The following ISM1 variants were observed in gnomAD, a reference collection of about 807,000 sequenced individuals.
ISM1 encodes the protein isthmin 1.
ISM1 carries 25 observed loss-of-function variants against 46.3 expected under a neutral mutation model. The observed-to-expected ratio is 0.54, with a 90% CI of 0.39 to 0.75. The LOEUF (loss-of-function observed/expected upper bound fraction) is 0.75. Among genes scored for constraint, ISM1 ranks in the 30% least tolerant of loss-of-function variants. The pLI is 0.00. For synonymous variants in ISM1, 255 were observed against 256.7 expected (o/e 0.99, Z 0.06); for missense variants, 536 against 625.4 (o/e 0.86, Z 1.52).
At chr20:13,288,443 G>T (rs768114351) in intron 3 of ISM1, 97 bp from the exon 4 acceptor site, 31 of 1,312,034 alleles carry the variant, frequency 2.4e-5, no homozygotes, top group Non-Finnish European at 3.1e-5. Flanking sequence ...CTCCCACAGC[G>T]AGAAGGATAG....
Position 13,299,399 on chromosome 20 carries a change from C to T in ISM1, c.1335C>T (p.Cys445=). The part of the protein sequence containing the change: ...EARPPNNGQK[C]TESPSDEDYI... ...GGCCTCCCAACAACGGACAGAAGTG[C>T]ACAGAGAGCCCCTCGGACGAGGACT... Residue 445 remains cysteine (C), a synonymous_variant, in exon 6 of 6, where the codon TGC becomes TGT. Coordinates refer to ENST00000262487, the MANE Select transcript of ISM1 (RefSeq NM_080826.2). The surrounding 1 kb of genome is among the most constrained non-coding windows in gnomAD (Gnocchi z 5.8). The T allele has an allele frequency of 6.2e-7, 1 of 1,612,862 alleles. No individual in the cohort carries two copies. Among genetic ancestry groups the T allele is most frequent in the Non-Finnish European group, 8.5e-7 (1 of 1,179,854 alleles).
At chr20:13,309,803 A>T in the ISM1 span, among the ~76,000 whole-genome samples, 4 of 152,132 alleles carry the variant, frequency 2.6e-5, no homozygotes, top group Non-Finnish European at 1.5e-5. Context: ...TAAGCAAAAA[A>T]ACTATCCAAA....
At chr20:13,322,320 C>T in the ISM1 span, among the ~76,000 whole-genome samples, 2 of 152,238 alleles carry the variant, frequency 1.3e-5, no homozygotes, top group South Asian at 4.1e-4. Context: ...TAAAGAGATA[C>T]GGGTTGTTCT....
chr20:13,231,706 C>T (rs114194400), intron 1 of ISM1, among the ~76,000 whole-genome samples: 2,160 of 152,286 alleles, frequency 0.014, 50 homozygotes, highest in African/African-American at 0.049. Context: ...CTATGGCTGA[C>T]ACACATCCAT....
the ISM1 span, among the ~76,000 whole-genome samples, chr20:13,324,117 G>A: frequency 6.6e-6 from 1 of 152,148 alleles, no homozygotes; most frequent in African/African-American, 2.4e-5. Flanking sequence ...TAACTTTCAG[G>A]TACTATCCCT....
chr20:13,243,282 G>A (rs1362823649), intron 1 of ISM1, among the ~76,000 whole-genome samples: 1 of 152,084 alleles, frequency 6.6e-6, no homozygotes, highest in African/African-American at 2.4e-5. Flanking sequence ...AGTCATTCAG[G>A]GACCCAGGAT....
chr20:13,281,398 A>C (rs2040236944), intron 3 of ISM1, among the ~76,000 whole-genome samples: 1 of 152,206 alleles, frequency 6.6e-6, no homozygotes, highest in Non-Finnish European at 1.5e-5. Flanking sequence ...GCTTTCCAAG[A>C]GGAAAGACGG....
intron 5 of ISM1, among the ~76,000 whole-genome samples, chr20:13,294,180 A>G (rs1295924646): frequency 1.3e-5 from 2 of 152,246 alleles, no homozygotes; most frequent in African/African-American, 4.8e-5. Context: ...TTGCCAGATT[A>G]TATCTTAATT....
At chr20:13,237,014 C>G (rs1189202818) in intron 1 of ISM1, among the ~76,000 whole-genome samples, 1 of 152,218 alleles carries the variant, frequency 6.6e-6, no homozygotes, top group Admixed American at 6.5e-5. Flanking sequence ...CTTCTCACAG[C>G]TCCACTAGGC....
intron 1 of ISM1, among the ~76,000 whole-genome samples, chr20:13,253,862 CATATAT>C (rs546741165): frequency 1.4e-5 from 2 of 140,164 alleles, no homozygotes; most frequent in Admixed American, 7.2e-5. Context: ...CATCCATATC[CATATAT>C]ATATATATAT....
downstream of ISM1, among the ~76,000 whole-genome samples, chr20:13,301,274 C>T (rs553053853): frequency 7.2e-5 from 11 of 152,242 alleles, no homozygotes; most frequent in African/African-American, 1.2e-4. Context: ...CCACAACTTC[C>T]GCCTCCTGAG....
At chr20:13,296,926 G>A (rs564975617) in intron 5 of ISM1, among the ~76,000 whole-genome samples, 36 of 152,234 alleles carry the variant, frequency 2.4e-4, no homozygotes, top group Admixed American at 2.3e-3. Flanking sequence ...ACTGAGGCAG[G>A]AGAATTGCTT....
At chr20:13,224,960 C>T (rs1407384249) in intron 1 of ISM1, among the ~76,000 whole-genome samples, 2 of 151,204 alleles carry the variant, frequency 1.3e-5, no homozygotes, top group African/African-American at 4.9e-5. Flanking sequence ...ATTCTCCTGC[C>T]TCAGCCTCCC....
the ISM1 span, among the ~76,000 whole-genome samples, chr20:13,306,966 G>GA: frequency 4.6e-5 from 7 of 152,134 alleles, no homozygotes; most frequent in East Asian, 1.3e-3. Flanking sequence ...TGTGTTTCAG[G>GA]AAAAAGACCA....
At chr20:13,306,425 C>T in the ISM1 span, among the ~76,000 whole-genome samples, 3 of 152,080 alleles carry the variant, frequency 2.0e-5, no homozygotes, top group African/African-American at 2.4e-5. Context: ...AATTTTTACA[C>T]CATTAGACAT....
At chr20:13,307,452 G>A in the ISM1 span, among the ~76,000 whole-genome samples, 5 of 152,098 alleles carry the variant, frequency 3.3e-5, no homozygotes, top group African/African-American at 1.2e-4. Context: ...CTACAGAAAT[G>A]TTCTATATAT....
chr20:13,236,229 T>C (rs1177546064), intron 1 of ISM1, among the ~76,000 whole-genome samples: 1 of 152,274 alleles, frequency 6.6e-6, no homozygotes, highest in Admixed American at 6.5e-5. Flanking sequence ...GTCTCGGCCA[T>C]CCTTCTAACA....
chr20:13,314,515 T>G, the ISM1 span, among the ~76,000 whole-genome samples: 1 of 151,954 alleles, frequency 6.6e-6, no homozygotes, highest in African/African-American at 2.4e-5. Context: ...ACCTAGATCC[T>G]GTGCCCTGTG....
intron 4 of ISM1, among the ~76,000 whole-genome samples, chr20:13,290,326 T>C (rs1329096561): frequency 1.3e-5 from 2 of 151,878 alleles, no homozygotes; most frequent in South Asian, 2.1e-4. Flanking sequence ...TAAACGAAAA[T>C]AATGATGAAG....
Sources: allele counts gnomAD v4.1 joint callset (sites outside exome capture counted in the v4.1 genomes callset), GRCh38; gene constraint gnomAD v4.1.1; non-coding constraint Gnocchi (gnomAD v3.1); transcripts MANE v1.5; gene names NCBI Gene and HGNC (gene_info 2026-07-23, HGNC 2026-07-21).